Variants in MELK observed in about 807,000 individuals in gnomAD.
The protein encoded by MELK is pEg3 kinase.
In MELK, 81 loss-of-function variants were observed where a neutral mutation model predicts 85.0. That is an observed-to-expected ratio of 0.95 (90% CI 0.80 to 1.15). MELK has a LOEUF of 1.15. Among genes scored for constraint, MELK ranks in the 50% most tolerant of loss-of-function variants. The probability of loss-of-function intolerance (pLI) is 0.00; values close to 1 mark genes in which losing one functional copy is unlikely to be tolerated. For synonymous variants in MELK, 252 were observed against 265.0 expected (o/e 0.95, Z 0.48); for missense variants, 754 against 777.5 (o/e 0.97, Z 0.36).
At chr9:36,659,731 C>T (rs1223955437) in intron 13 of MELK, among the ~76,000 whole-genome samples, 5 of 152,294 alleles carry the variant, frequency 3.3e-5, no homozygotes, top group African/African-American at 7.2e-5. Context: ...GATTTCATTT[C>T]CTATTTGTAT....
intron 8 of MELK, among the ~76,000 whole-genome samples, chr9:36,613,770 C>G (rs1826270338): frequency 2.0e-5 from 3 of 151,972 alleles, no homozygotes. Flanking sequence ...CTGGTGTTGT[C>G]AAGGGAGGGT....
intron 17 of MELK, among the ~76,000 whole-genome samples, chr9:36,675,162 C>T (rs1018375749): frequency 1.3e-5 from 2 of 152,290 alleles, no homozygotes; most frequent in African/African-American, 4.8e-5. Flanking sequence ...TGGCACATGC[C>T]TGTAGTTCCA....
At chr9:36,656,362 TATAAC>T (rs1301540455) in intron 12 of MELK, among the ~76,000 whole-genome samples, 1 of 152,238 alleles carries the variant, frequency 6.6e-6, no homozygotes, top group Non-Finnish European at 1.5e-5. Context: ...TAGTATGCTA[TATAAC>T]ATAAGAATGT....
intron 10 of MELK, among the ~76,000 whole-genome samples, chr9:36,636,810 T>TCTGTCTG (rs1564191244): frequency 8.5e-5 from 9 of 105,574 alleles, no homozygotes; most frequent in African/African-American, 3.8e-4. Flanking sequence ...CTTTCTGTCT[T>TCTGTCTG]TCTTTCTTTC....
chr9:36,667,443 A>C (rs1832488642), intron 14 of MELK, among the ~76,000 whole-genome samples: 1 of 152,206 alleles, frequency 6.6e-6, no homozygotes, highest in Non-Finnish European at 1.5e-5. Flanking sequence ...GGCGTGGGCC[A>C]TTGTGCCCGG....
In MELK at chr9:36,597,202, A is replaced by G; in HGVS notation, c.406-20A>G. 1.3e-6 allele frequency: 2 copies of G among 1,598,778 alleles called. No homozygotes were observed. Among genetic ancestry groups the G allele is most frequent in the African/African-American group, 2.7e-5 (2 of 74,710 alleles). ...TAAGGAAGTCAGTATACAGTTATCAAAATATCTTTGTTTTCCCAGGAAAAT... is the reference window on the plus strand; with the variant it reads ...TAAGGAAGTCAGTATACAGTTATCAGAATATCTTTGTTTTCCCAGGAAAAT... On this transcript the variant is annotated intron_variant, in intron 5 of 17. Transcript: ENST00000298048.
chr9:36,606,590 G>C (rs532041342), intron 7 of MELK, among the ~76,000 whole-genome samples: 1 of 145,510 alleles, frequency 6.9e-6, no homozygotes, highest in African/African-American at 2.5e-5. Flanking sequence ...ATATGTATAG[G>C]TGTGTATATA....
At chr9:36,592,512 T>G (rs1432360539) in intron 4 of MELK, among the ~76,000 whole-genome samples, 1 of 152,090 alleles carries the variant, frequency 6.6e-6, no homozygotes, top group Non-Finnish European at 1.5e-5. Context: ...TTCATGTACT[T>G]TTCTTGTGTC....
chr9:36,605,986 A>C (rs530284617), intron 7 of MELK, among the ~76,000 whole-genome samples: 1 of 151,256 alleles, frequency 6.6e-6, no homozygotes, highest in Non-Finnish European at 1.5e-5. Flanking sequence ...CTAAGGCTCA[A>C]ATGAGAGTAA....
chr9:36,577,686 T>C (rs1206917088), intron 1 of MELK, among the ~76,000 whole-genome samples: 2 of 152,124 alleles, frequency 1.3e-5, no homozygotes, highest in African/African-American at 4.8e-5. Flanking sequence ...ACAGCTTCGC[T>C]TGTTACCCAG....
chr9:36,580,375 A>T (rs1358749545), intron 1 of MELK, among the ~76,000 whole-genome samples: 1 of 151,604 alleles, frequency 6.6e-6, no homozygotes, highest in African/African-American at 2.4e-5. Context: ...GCTGGAGTGC[A>T]ATGGCACAAT....
Position 36,651,828 on chromosome 9 carries a change from C to T in MELK, c.1004C>T (p.Ser335Phe). 1 of 1,613,980 alleles carries T rather than the reference C, an allele frequency of 6.2e-7. No individual in the cohort carries two copies. The highest frequency in any genetic ancestry group is 8.5e-7 in the Non-Finnish European group (1 of 1,179,974). The change falls in exon 12 of 18, where the codon TCT (serine) becomes TTT (phenylalanine). Residue 335 changes from serine to phenylalanine, a missense_variant. Ser to Phe is a radical substitution (Grantham distance 155). Transcript: ENST00000298048. ...ARGKPVRLRL[S>F]SFSCGQASAT... is the part of the protein sequence containing the mutation. Reference sequence around the variant, plus strand: ...GGAAAACCAGTTCGTTTAAGGCTTTCTTCTTTCTCCTGTGGACAAGCCAGT... The same window carrying T: ...GGAAAACCAGTTCGTTTAAGGCTTTTTTCTTTCTCCTGTGGACAAGCCAGT...
At chr9:36,600,454 G>A (rs1338951595) in intron 7 of MELK, among the ~76,000 whole-genome samples, 5 of 152,072 alleles carry the variant, frequency 3.3e-5, no homozygotes, top group African/African-American at 7.2e-5. Flanking sequence ...CACAATCTCC[G>A]CTCACTACAA....
At chr9:36,604,145 T>C (rs1270613419) in intron 7 of MELK, among the ~76,000 whole-genome samples, 1 of 151,736 alleles carries the variant, frequency 6.6e-6, no homozygotes, top group African/African-American at 2.4e-5. Flanking sequence ...AATTTTGTAT[T>C]TTTAGTAGAG....
At chr9:36,634,465 C>G (rs945821241) in intron 10 of MELK, among the ~76,000 whole-genome samples, 22 of 152,000 alleles carry the variant, frequency 1.4e-4, no homozygotes, top group African/African-American at 4.8e-4. Context: ...AATCCCAGCA[C>G]TTTGGGAGGC....
In MELK at chr9:36,633,165, T is replaced by C; in HGVS notation, c.799T>C (p.Tyr267His). Residue 267 changes from tyrosine to histidine, a missense_variant, in exon 10 of 18, where the codon TAC becomes CAC. Coordinates refer to ENST00000298048, the MANE Select transcript of MELK (RefSeq NM_014791.4). The part of the protein sequence containing the change: ...LLNHPWIMQD[Y>H]NYPVEWQSKN... Reference sequence around the variant, plus strand: ...GAACCATCCCTGGATCATGCAAGATTACAACTATCCTGTTGAGTGGCAAAG... The same window carrying C: ...GAACCATCCCTGGATCATGCAAGATCACAACTATCCTGTTGAGTGGCAAAG... 1 of 1,608,228 alleles carries C rather than the reference T, an allele frequency of 6.2e-7. No homozygotes were observed. The highest frequency in any genetic ancestry group is 8.5e-7 in the Non-Finnish European group (1 of 1,178,832).
chr9:36,663,732 A>G (rs1293398767), intron 13 of MELK, among the ~76,000 whole-genome samples: 1 of 152,118 alleles, frequency 6.6e-6, no homozygotes, highest in East Asian at 1.9e-4. Context: ...GTTGAATAGT[A>G]TTCTATCTGT....
rs953917183 is a variant in MELK, at chr9:36,583,674, A to T, written c.106A>T (p.Met36Leu). ...TGCCTGCCATATCCTTACTGGAGAG[A>T]TGGTAGCTATAAAAATCATGGATAA... ...KLACHILTGE[M>L]VAIKIMDKNT... The change falls in exon 3 of 18, where the codon ATG becomes TTG. Residue 36 changes from methionine to leucine, a missense_variant. Coordinates refer to ENST00000298048, the MANE Select transcript of MELK (RefSeq NM_014791.4). The T allele has an allele frequency of 3.1e-6, 5 of 1,612,716 alleles. No individual in the cohort carries two copies. In the African/African-American group the frequency reaches 5.3e-5, roughly 17 times the overall value.
intron 11 of MELK, among the ~76,000 whole-genome samples, chr9:36,648,777 GC>G (rs1419829797): frequency 1.3e-5 from 2 of 152,266 alleles, no homozygotes; most frequent in East Asian, 3.9e-4. Flanking sequence ...TTAGAGAGGA[GC>G]CTTCAAGGTA....
Sources: gnomAD v4.1 joint callset for allele counts (sites outside exome capture counted in the v4.1 genomes callset) on GRCh38, gnomAD v4.1.1 for gene constraint, MANE v1.5 for transcripts, NCBI Gene and HGNC (gene_info 2026-07-23, HGNC 2026-07-21) for gene names.